The following ANK2 variants were observed in gnomAD, a reference collection of about 807,000 sequenced individuals.
The protein encoded by ANK2 is ankyrin 2.
In ANK2, 83 loss-of-function variants were observed where a neutral mutation model predicts 360.5. That is an observed-to-expected ratio of 0.23 (90% confidence interval 0.19 to 0.28). ANK2 has a LOEUF of 0.28. ANK2 is among the 10% of genes least tolerant of loss of function. The pLI is 1.00. For missense variants in ANK2, 4,201 were observed against 4,795.7 expected, an observed-to-expected ratio of 0.88 and a Z score of 3.66; for synonymous variants, 1,740 against 1,759.5, an observed-to-expected ratio of 0.99 and a Z score of 0.28.
Position 113,283,016 on chromosome 4 carries a change from C to G in ANK2, c.2079+144C>G. 8 of 923,750 alleles carry G rather than the reference C, an allele frequency of 8.7e-6. No homozygotes were observed. In the South Asian group the frequency reaches 1.0e-4, roughly 12 times the overall value. The allele number at this position is 923,750 out of a possible 1,614,324, so 57.2% of individuals were successfully genotyped here. The stretch of plus-strand genomic sequence containing the variant: ...CAGACCCCAAGGACAGGAAGGGAGT[C>G]AAGCCTTATGAGAGATTAGAAAACC... On this transcript the variant is annotated intron_variant, in intron 18 of 45. Coordinates refer to ENST00000357077, the MANE Select transcript of ANK2 (RefSeq NM_001148.6).
intron 1 of ANK2, among the ~76,000 whole-genome samples, chr4:113,072,527 AT>A (rs1370108881): frequency 3.9e-5 from 6 of 152,216 alleles, no homozygotes; most frequent in African/African-American, 1.4e-4. Flanking sequence ...AGCATGAGAT[AT>A]TCTCAAAGTT....
At chr4:112,717,639 A>G in the ANK2 span, among the ~76,000 whole-genome samples, 1 of 152,174 alleles carries the variant, frequency 6.6e-6, no homozygotes, top group Non-Finnish European at 1.5e-5. Flanking sequence ...TATTTTATGA[A>G]TTTATACCAC....
chr4:113,217,330 A>C (rs1010845687), intron 4 of ANK2, among the ~76,000 whole-genome samples: 1 of 152,240 alleles, frequency 6.6e-6, no homozygotes, highest in Non-Finnish European at 1.5e-5. Context: ...AGAGGACTAC[A>C]ACTAAAGTTT....
intron 2 of ANK2, among the ~76,000 whole-genome samples, chr4:112,964,028 C>T (rs1370215918): frequency 6.6e-6 from 1 of 150,612 alleles, no homozygotes; most frequent in African/African-American, 2.4e-5. Flanking sequence ...TAAAACATGA[C>T]TTTTTCAATT....
chr4:113,202,642 G>A (rs2098847171), intron 4 of ANK2, among the ~76,000 whole-genome samples: 1 of 152,060 alleles, frequency 6.6e-6, no homozygotes, highest in Admixed American at 6.5e-5. Context: ...CAAATTTTCT[G>A]AAAAAACCTT....
At chr4:113,103,367 A>G (rs1268452890) in intron 1 of ANK2, among the ~76,000 whole-genome samples, 1 of 152,196 alleles carries the variant, frequency 6.6e-6, no homozygotes, top group Non-Finnish European at 1.5e-5. Context: ...TTAGATGGCC[A>G]GAAATTGACT....
At chr4:113,238,357 G>A (rs2099400125) in intron 7 of ANK2, among the ~76,000 whole-genome samples, 2 of 152,128 alleles carry the variant, frequency 1.3e-5, no homozygotes, top group African/African-American at 4.8e-5. Context: ...GACTTTTTAT[G>A]TAGGTCCATT....
At chr4:112,963,254 CTT>C (rs1358482240) in intron 2 of ANK2, among the ~76,000 whole-genome samples, 1 of 152,032 alleles carries the variant, frequency 6.6e-6, no homozygotes, top group Non-Finnish European at 1.5e-5. Context: ...TTGGTTGACT[CTT>C]AATTTTTAAT....
chr4:113,054,436 G>A (rs1423660129), intron 1 of ANK2, among the ~76,000 whole-genome samples: 1 of 152,142 alleles, frequency 6.6e-6, no homozygotes, highest in Non-Finnish European at 1.5e-5. Context: ...ATAGAAATGT[G>A]AATGAGGTAC....
At chr4:112,790,484 C>CTTTTTTTTTTTTT in the ANK2 span, among the ~76,000 whole-genome samples, 2 of 113,798 alleles carry the variant, frequency 1.8e-5, no homozygotes, top group Non-Finnish European at 1.8e-5. Context: ...CTTTTCTTTT[C>CTTTTTTTTTTTTT]TTTTTTTTTT....
rs1309568447 is a variant in ANK2, at chr4:113,355,864, C to A, written c.7246C>A (p.Arg2416=). The A allele has an allele frequency of 1.9e-6, 3 of 1,614,040 alleles. No individual in the cohort carries two copies. Among genetic ancestry groups the A allele is most frequent in the Non-Finnish European group, 2.5e-6 (3 of 1,179,940 alleles). Residue 2416 remains arginine (R), a synonymous_variant, in exon 38 of 46, where the codon CGA becomes AGA. Transcript: ENST00000357077. The stretch of plus-strand genomic sequence containing the variant: ...AGGGTTAGAACTTGCACTCCCTAGC[C>A]GAGATAGCGAAGTCCTCAGCGCTGT... ...PQGLELALPS[R]DSEVLSAVAD...
intron 1 of ANK2, among the ~76,000 whole-genome samples, chr4:112,850,794 G>T (rs1344203672): frequency 6.6e-6 from 1 of 151,930 alleles, no homozygotes. Flanking sequence ...GGGAGTATAG[G>T]TGCAAGTCAC....
intron 2 of ANK2, among the ~76,000 whole-genome samples, chr4:113,194,247 A>C (rs1179811498): frequency 1.3e-5 from 2 of 152,210 alleles, no homozygotes; most frequent in Non-Finnish European, 2.9e-5. Flanking sequence ...GCAAACATTT[A>C]ACCTTCATGT....
intron 2 of ANK2, among the ~76,000 whole-genome samples, chr4:113,175,233 A>G (rs1237804852): frequency 6.6e-6 from 1 of 152,230 alleles, no homozygotes; most frequent in Non-Finnish European, 1.5e-5. Context: ...TTTAAGTTAA[A>G]AGGAGGTAAA....
At chr4:113,360,088 G>A (rs1289120694) in intron 38 of ANK2, among the ~76,000 whole-genome samples, 2 of 152,074 alleles carry the variant, frequency 1.3e-5, no homozygotes, top group African/African-American at 4.8e-5. Flanking sequence ...TTAAATTGAG[G>A]TTATACAAAC....
chr4:113,163,609 A>C (rs759970325), intron 1 of ANK2, among the ~76,000 whole-genome samples: 39 of 151,818 alleles, frequency 2.6e-4, no homozygotes, highest in Admixed American at 1.1e-3. Context: ...TACTAAAAAT[A>C]CAAAATTAGC....
chr4:113,252,645 C>G (rs369456157), intron 10 of ANK2, among the ~76,000 whole-genome samples: 1 of 152,170 alleles, frequency 6.6e-6, no homozygotes, highest in African/African-American at 2.4e-5. Context: ...CTTCAGAACC[C>G]CAATTCCGAA....
At chr4:113,007,661 G>A (rs1399304536) in intron 2 of ANK2, among the ~76,000 whole-genome samples, 1 of 152,086 alleles carries the variant, frequency 6.6e-6, no homozygotes, top group African/African-American at 2.4e-5. Context: ...AGAATTTATT[G>A]ATGATAAGGA....
chr4:112,969,497 T>A (rs1370074467), intron 2 of ANK2, among the ~76,000 whole-genome samples: 1 of 152,134 alleles, frequency 6.6e-6, no homozygotes, highest in African/African-American at 2.4e-5. Flanking sequence ...CTTCTACAAG[T>A]TCAGACTCTC....
Sources: allele counts gnomAD v4.1 joint callset (sites outside exome capture counted in the v4.1 genomes callset), GRCh38; gene constraint gnomAD v4.1.1; transcripts MANE v1.5; gene names NCBI Gene and HGNC (gene_info 2026-07-23, HGNC 2026-07-21).